The following DLG2 variants were observed in gnomAD, a reference collection of about 807,000 sequenced individuals.
The protein encoded by DLG2 is disks large homolog 2.
Under a neutral mutation model 132.5 loss-of-function variants are expected in DLG2, and 45 were observed. The observed-to-expected ratio is 0.34, with a 90% CI of 0.27 to 0.44. DLG2 has a LOEUF of 0.44. DLG2 is among the 20% of genes least tolerant of loss of function. The probability of loss-of-function intolerance (pLI) is 1.00; values close to 1 mark genes in which losing one functional copy is unlikely to be tolerated. For synonymous variants in DLG2, 424 were observed against 419.6 expected (o/e 1.01, Z -0.13); for missense variants, 1,045 against 1,196.9 (o/e 0.87, Z 1.87).
chr11:84,788,656 T>C (rs892267959), intron 6 of DLG2, among the ~76,000 whole-genome samples: 1 of 152,166 alleles, frequency 6.6e-6, no homozygotes. Flanking sequence ...ATATACTAAA[T>C]AATACAGTTA....
intron 5 of DLG2, among the ~76,000 whole-genome samples, chr11:85,114,356 A>C (rs2073226272): frequency 6.6e-6 from 1 of 152,020 alleles, no homozygotes; most frequent in African/African-American, 2.4e-5. Flanking sequence ...CCAAAAATCA[A>C]GGGAGAACAT....
chr11:85,399,228 A>G (rs1026344862), intron 3 of DLG2, among the ~76,000 whole-genome samples: 5 of 152,096 alleles, frequency 3.3e-5, no homozygotes, highest in African/African-American at 9.7e-5. Context: ...TCCAGGGGAT[A>G]TGAAGGACCT....
chr11:84,097,413 C>A (rs2097180341), intron 10 of DLG2, among the ~76,000 whole-genome samples: 2 of 152,132 alleles, frequency 1.3e-5, no homozygotes, highest in South Asian at 4.1e-4. Flanking sequence ...CCAGAATTCC[C>A]CTTACCCTTG....
chr11:84,382,815 A>G (rs933187969), intron 7 of DLG2, among the ~76,000 whole-genome samples: 1 of 151,858 alleles, frequency 6.6e-6, no homozygotes, highest in African/African-American at 2.4e-5. Context: ...TATATAATTG[A>G]TACCATATTA....
At chr11:84,425,032 T>G (rs888697153) in intron 7 of DLG2, among the ~76,000 whole-genome samples, 6 of 152,120 alleles carry the variant, frequency 3.9e-5, no homozygotes, top group Non-Finnish European at 8.8e-5. Flanking sequence ...ATTTTTCCAA[T>G]CTATACCTAA....
intron 7 of DLG2, among the ~76,000 whole-genome samples, chr11:84,280,867 ATTTTT>A (rs35970331): frequency 1.2e-4 from 8 of 67,706 alleles, no homozygotes; most frequent in African/African-American, 2.4e-4. Context: ...TGCCCAGCCA[ATTTTT>A]TTTTTTTTTT....
At chr11:84,139,059 A>C (rs928540703) in intron 9 of DLG2, among the ~76,000 whole-genome samples, 1 of 152,100 alleles carries the variant, frequency 6.6e-6, no homozygotes, top group Non-Finnish European at 1.5e-5. Context: ...TCCTTTTATC[A>C]GGTTTGTATC....
rs35141583 is a variant in DLG2 at position 85,377,803 on chromosome 11, A to ATATATATATATATATG, written c.41-92439_41-92438insCATATATATATATATA. ...TGTATACATATATATATATATATATATGTGTGTGTGTGTGTGTGTGTATAC... is the reference window on the plus strand; with the variant it reads ...TGTATACATATATATATATATATATATATATATATATATATGTGTGTGTGTGTGTGTGTGTGTATAC... On this transcript the variant is annotated intron_variant, in intron 3 of 27. Transcript: ENST00000376104. 8.1e-3 allele frequency among the ~76,000 whole-genome samples: 1,060 copies of ATATATATATATATATG among 131,198 alleles called. 12 individuals carry two copies. The highest frequency in any genetic ancestry group is 0.021 in the Admixed American group (265 of 12,854). The allele number at this position is 131,198 out of a possible 152,430, so 86.1% of individuals were successfully genotyped here.
At chr11:84,373,154 C>A (rs781329773) in intron 7 of DLG2, among the ~76,000 whole-genome samples, 6 of 146,880 alleles carry the variant, frequency 4.1e-5, no homozygotes, top group Non-Finnish European at 7.5e-5. Flanking sequence ...GAAACAAATG[C>A]AAGGCCAACG....
At chr11:84,892,668 A>G (rs1435423653) in intron 6 of DLG2, among the ~76,000 whole-genome samples, 1 of 152,104 alleles carries the variant, frequency 6.6e-6, no homozygotes, top group Non-Finnish European at 1.5e-5. Flanking sequence ...AATATTTAAT[A>G]TTAATTAAGG....
intron 5 of DLG2, among the ~76,000 whole-genome samples, chr11:85,129,674 A>T (rs1277576508): frequency 1.3e-5 from 2 of 152,198 alleles, no homozygotes; most frequent in East Asian, 3.9e-4. Context: ...TAAAACTAGA[A>T]ATACCATTTG....
intron 15 of DLG2, among the ~76,000 whole-genome samples, chr11:83,899,265 G>C (rs535805242): frequency 6.6e-6 from 1 of 150,898 alleles, no homozygotes; most frequent in Non-Finnish European, 1.5e-5. Flanking sequence ...CTTGAAAAGA[G>C]ACTTTTCAGT....
chr11:84,614,708 C>G (rs2099601018), intron 6 of DLG2, among the ~76,000 whole-genome samples: 1 of 152,044 alleles, frequency 6.6e-6, no homozygotes, highest in African/African-American at 2.4e-5. Context: ...TTTAACAAAG[C>G]TGTTATGATA....
intron 3 of DLG2, among the ~76,000 whole-genome samples, chr11:85,366,941 A>AATG (rs2084605099): frequency 6.6e-6 from 1 of 152,068 alleles, no homozygotes; most frequent in African/African-American, 2.4e-5. Context: ...TCAATTATGT[A>AATG]TCACTGTGAT....
chr11:85,060,346 A>G (rs1472936891), intron 6 of DLG2, among the ~76,000 whole-genome samples: 1 of 150,380 alleles, frequency 6.6e-6, no homozygotes, highest in Non-Finnish European at 1.5e-5. Context: ...ACATATATGT[A>G]TATATAATGT....
chr11:84,344,906 A>C (rs1567350665), intron 7 of DLG2, among the ~76,000 whole-genome samples: 1 of 152,198 alleles, frequency 6.6e-6, no homozygotes, highest in Non-Finnish European at 1.5e-5. Context: ...AATTTGGATT[A>C]TAGAGGGTAA....
intron 11 of DLG2, among the ~76,000 whole-genome samples, chr11:84,017,579 G>A (rs144430539): frequency 3.1e-4 from 47 of 152,096 alleles, no homozygotes; most frequent in African/African-American, 1.1e-3. Context: ...CATTTATTTA[G>A]CTAGCTCTTT....
intron 5 of DLG2, among the ~76,000 whole-genome samples, chr11:85,137,006 A>T (rs2076179497): frequency 6.6e-6 from 1 of 151,996 alleles, no homozygotes; most frequent in Admixed American, 6.6e-5. Context: ...ATATATACAT[A>T]TGTGCATACA....
At chr11:84,112,125 G>C (rs1408236895) in intron 9 of DLG2, among the ~76,000 whole-genome samples, 2 of 151,676 alleles carry the variant, frequency 1.3e-5, no homozygotes, top group Non-Finnish European at 2.9e-5. Context: ...CCATTCTCCT[G>C]TCTCAGCCTC....
Sources: allele counts gnomAD v4.1 joint callset (sites outside exome capture counted in the v4.1 genomes callset), GRCh38; gene constraint gnomAD v4.1.1; transcripts MANE v1.5; gene names NCBI Gene and HGNC (gene_info 2026-07-23, HGNC 2026-07-21).